The following TNR variants were observed in gnomAD, a reference collection of about 807,000 sequenced individuals.
TNR encodes tenascin R, also known as tenascin-R.
In TNR, 45 loss-of-function variants were observed where a neutral mutation model predicts 150.4. That is an observed-to-expected ratio of 0.30 (90% confidence interval 0.24 to 0.38). The LOEUF is 0.38. Ranked by LOEUF, TNR falls within the 10% of genes least tolerant of loss-of-function variation. The pLI is 1.00. For missense variants in TNR, 1,544 were observed against 1,759.1 expected (o/e 0.88, Z 2.19); for synonymous variants, 687 against 678.4 (o/e 1.01, Z -0.20).
intron 9 of TNR, among the ~76,000 whole-genome samples, chr1:175,378,079 T>C (rs984509582): frequency 1.3e-5 from 2 of 152,172 alleles, no homozygotes; most frequent in Admixed American, 1.3e-4. Context: ...ATCATCTCCC[T>C]TTGACTCCAG....
chr1:175,676,233 C>A (rs1278104691), intron 1 of TNR, among the ~76,000 whole-genome samples: 1 of 152,086 alleles, frequency 6.6e-6, no homozygotes, highest in African/African-American at 2.4e-5. Context: ...TGCATTAATC[C>A]CCAAGGCAAA....
At chr1:175,627,367 T>A (rs1409951075) in intron 1 of TNR, among the ~76,000 whole-genome samples, 3 of 152,226 alleles carry the variant, frequency 2.0e-5, no homozygotes, top group Admixed American at 2.0e-4. Flanking sequence ...TAAAACTTGT[T>A]CTGTCTGCCT....
intron 1 of TNR, among the ~76,000 whole-genome samples, chr1:175,592,975 C>T (rs1378015455): frequency 6.6e-6 from 1 of 151,856 alleles, no homozygotes; most frequent in Non-Finnish European, 1.5e-5. Context: ...GGGTATCTAC[C>T]TACAGTGCTG....
At chr1:175,580,868 T>C (rs1662324871) in intron 1 of TNR, among the ~76,000 whole-genome samples, 1 of 152,118 alleles carries the variant, frequency 6.6e-6, no homozygotes, top group East Asian at 1.9e-4. Flanking sequence ...TGTCTTTCCA[T>C]TGTGAGAGTG....
At chr1:175,708,268 G>C (rs1666898003) in intron 1 of TNR, among the ~76,000 whole-genome samples, 2 of 152,134 alleles carry the variant, frequency 1.3e-5, no homozygotes, top group Non-Finnish European at 2.9e-5. Flanking sequence ...TCTCTGTTGA[G>C]CTCCCACCAA....
chr1:175,446,918 ATGTG>A (rs1048741783), intron 2 of TNR, among the ~76,000 whole-genome samples: 1 of 151,986 alleles, frequency 6.6e-6, no homozygotes, highest in African/African-American at 2.4e-5. Flanking sequence ...GCATGCATGT[ATGTG>A]TGTTGTATGC....
intron 1 of TNR, among the ~76,000 whole-genome samples, chr1:175,603,243 T>C (rs1663306167): frequency 6.6e-6 from 1 of 152,226 alleles, no homozygotes; most frequent in South Asian, 2.1e-4. Flanking sequence ...CTGCTTCCCA[T>C]ACATAAAGCA....
At position 175,340,763 on chromosome 1, in the gene TNR, C is replaced by T. The variant is rs61806375; in HGVS notation, c.3383-3084G>A. ...GAGGCCAAGAAGTGGAATTGGTAAACTAAGCAATGCCTCAGAGGAGCCCTG... is the reference window on the plus strand; with the variant it reads ...GAGGCCAAGAAGTGGAATTGGTAAATTAAGCAATGCCTCAGAGGAGCCCTG... On this transcript the variant is annotated intron_variant, in intron 18 of 22. Transcript: ENST00000367674. 1.2e-3 allele frequency among the ~76,000 whole-genome samples: 187 copies of T among 152,322 alleles called. 1 individual carries two copies. The highest frequency in any genetic ancestry group is 4.0e-3 in the African/African-American group (167 of 41,562).
intron 1 of TNR, among the ~76,000 whole-genome samples, chr1:175,721,898 T>C (rs1361243602): frequency 7.3e-6 from 1 of 137,716 alleles, no homozygotes; most frequent in Non-Finnish European, 1.5e-5. Context: ...TCCCCTCTCT[T>C]GCAATCACAG....
intron 1 of TNR, among the ~76,000 whole-genome samples, chr1:175,632,373 C>A (rs1401210673): frequency 6.6e-6 from 1 of 152,210 alleles, no homozygotes; most frequent in Admixed American, 6.5e-5. Flanking sequence ...AAGTGGAACA[C>A]CCAGGCTCTC....
At chr1:175,353,080 T>A (rs1571327227) in intron 18 of TNR, among the ~76,000 whole-genome samples, 4 of 152,246 alleles carry the variant, frequency 2.6e-5, no homozygotes, top group African/African-American at 9.6e-5. Context: ...CCCCATAATG[T>A]GGGCCAGGGA....
At chr1:175,631,679 CATGTGTATGA>C (rs1325019638) in intron 1 of TNR, among the ~76,000 whole-genome samples, 1 of 151,930 alleles carries the variant, frequency 6.6e-6, no homozygotes, top group Non-Finnish European at 1.5e-5. Flanking sequence ...AAAATATATG[CATGTGTATGA>C]GTGTGTGTGA....
chr1:175,335,229 T>C (rs889839910), intron 20 of TNR: 1 of 153,048 alleles, frequency 6.5e-6, no homozygotes, highest in African/African-American at 2.4e-5. Flanking sequence ...GGTGTCAGAC[T>C]TCTAGGAAAT....
intron 1 of TNR, among the ~76,000 whole-genome samples, chr1:175,622,894 C>T (rs1387032450): frequency 6.6e-6 from 1 of 152,180 alleles, no homozygotes; most frequent in Admixed American, 6.6e-5. Context: ...TTCATATTTA[C>T]ATGGGGTTGT....
chr1:175,453,182 T>C (rs1656401869), intron 2 of TNR, among the ~76,000 whole-genome samples: 1 of 152,064 alleles, frequency 6.6e-6, no homozygotes, highest in Non-Finnish European at 1.5e-5. Flanking sequence ...GTGGAGAATC[T>C]AGAGAGACAA....
At chr1:175,489,709 C>T (rs1337570719) in intron 2 of TNR, among the ~76,000 whole-genome samples, 6 of 152,188 alleles carry the variant, frequency 3.9e-5, no homozygotes, top group Non-Finnish European at 7.3e-5. Context: ...TGTTTAATAA[C>T]ATTTGCCATT....
rs745306527 is a variant in TNR at position 175,396,724 on chromosome 1, C to A, written c.1060G>T (p.Glu354Ter). ...LEWDGPMAVTEYVISYQPTAL... is the reference protein window; with the variant it reads ...LEWDGPMAVT ...GTCGGCTGGTAAGAGATCACATATT[C>A]CGTCACTGCCATCGGCCCGTCCCAT... is the stretch of plus-strand genomic sequence containing the variant. The change falls in exon 5 of 23, where the codon GAA becomes TAA. Residue 354 changes from glutamate to a stop codon, truncating the protein, a stop_gained. Coordinates refer to ENST00000367674, the MANE Select transcript of TNR (RefSeq NM_003285.3). LOFTEE classifies it high-confidence loss of function. 1 of 1,614,234 alleles carries A rather than the reference C, an allele frequency of 6.2e-7. No individual in the cohort carries two copies. The highest frequency in any genetic ancestry group is 1.7e-5 in the Admixed American group (1 of 60,028).
chr1:175,409,540 G>A (rs780354869), intron 2 of TNR, among the ~76,000 whole-genome samples: 115 of 152,050 alleles, frequency 7.6e-4, no homozygotes, highest in Non-Finnish European at 8.1e-4. Context: ...GTTGGTCAAC[G>A]GTGTGATTTT....
At chr1:175,692,715 G>T (rs1011827478) in intron 1 of TNR, among the ~76,000 whole-genome samples, 3 of 152,132 alleles carry the variant, frequency 2.0e-5, no homozygotes, top group Non-Finnish European at 4.4e-5. Context: ...CATGAAAAGG[G>T]CAGTGGGAGA....
Sources: gnomAD v4.1 joint callset for allele counts (sites outside exome capture counted in the v4.1 genomes callset) on GRCh38, gnomAD v4.1.1 for gene constraint, MANE v1.5 for transcripts, NCBI Gene and HGNC (gene_info 2026-07-23, HGNC 2026-07-21) for gene names.